DCC: variants seen among roughly 807,000 people sequenced by gnomAD.
The protein encoded by DCC is netrin receptor DCC.
In DCC, 58 loss-of-function variants were observed where a neutral mutation model predicts 172.5. The ratio of observed to expected loss-of-function variants is 0.34; its 90% CI spans 0.27 to 0.42. DCC has a LOEUF of 0.42. DCC is among the 10% of genes least tolerant of loss of function. The pLI is 1.00. For missense variants in DCC, 1,740 were observed against 1,791.0 expected, an observed-to-expected ratio of 0.97 and a Z score of 0.51; for synonymous variants, 709 against 644.5, an observed-to-expected ratio of 1.10 and a Z score of -1.52.
intron 12 of DCC, among the ~76,000 whole-genome samples, chr18:53,276,671 A>G (rs2056809645): frequency 6.6e-6 from 1 of 152,296 alleles, no homozygotes; most frequent in South Asian, 2.1e-4. Flanking sequence ...GGTCTGAGAT[A>G]TATCTAGAAA....
chr18:52,664,168 G>C (rs2035416833), intron 1 of DCC, among the ~76,000 whole-genome samples: 1 of 152,096 alleles, frequency 6.6e-6, no homozygotes, highest in African/African-American at 2.4e-5. Flanking sequence ...ACTTCTTAAA[G>C]AAAAGAAAGA....
At chr18:53,388,112 G>A (rs1184133309) in intron 16 of DCC, among the ~76,000 whole-genome samples, 3 of 152,190 alleles carry the variant, frequency 2.0e-5, no homozygotes, top group African/African-American at 7.2e-5. Flanking sequence ...TAAAGGAACT[G>A]AGAATTGAAA....
At chr18:53,221,250 T>C (rs1296541400) in intron 12 of DCC, among the ~76,000 whole-genome samples, 1 of 152,134 alleles carries the variant, frequency 6.6e-6, no homozygotes, top group African/African-American at 2.4e-5. Flanking sequence ...TGTACATCTA[T>C]CACCAGCTTC....
chr18:52,731,015 G>A (rs549921951), intron 1 of DCC, among the ~76,000 whole-genome samples: 1 of 152,212 alleles, frequency 6.6e-6, no homozygotes, highest in Non-Finnish European at 1.5e-5. Flanking sequence ...AATTGTTATT[G>A]ATTAGTCTCC....
chr18:52,411,445 G>A (rs569395542), intron 1 of DCC, among the ~76,000 whole-genome samples: 5 of 152,250 alleles, frequency 3.3e-5, no homozygotes, highest in East Asian at 3.9e-4. Flanking sequence ...GGCAACCAGT[G>A]CTCTCTGGAC....
At chr18:52,818,546 A>C (rs532153209) in intron 2 of DCC, among the ~76,000 whole-genome samples, 1 of 152,254 alleles carries the variant, frequency 6.6e-6, no homozygotes, top group African/African-American at 2.4e-5. Context: ...TTTTATGCTT[A>C]CTGAGCTTAT....
chr18:52,938,968 C>G (rs571559391), intron 5 of DCC, among the ~76,000 whole-genome samples: 1 of 152,054 alleles, frequency 6.6e-6, no homozygotes, highest in African/African-American at 2.4e-5. Context: ...CATTTTCATC[C>G]AGTATGATCT....
chr18:52,613,242 TTTTG>T (rs1035857795), intron 1 of DCC, among the ~76,000 whole-genome samples: 2 of 152,010 alleles, frequency 1.3e-5, no homozygotes, highest in African/African-American at 4.8e-5. Context: ...GTTTGTTTGT[TTTTG>T]TTTTTTTCTT....
intron 3 of DCC, among the ~76,000 whole-genome samples, chr18:52,917,137 C>CAAAAAAAAAAAAA (rs146388621): frequency 1.1e-5 from 1 of 94,820 alleles, no homozygotes. Flanking sequence ...AAAAAGAAAA[C>CAAAAAAAAAAAAA]AAAAAAAAAA....
In DCC at chr18:52,537,669, G is replaced by C. The variant is rs547308022; in HGVS notation, c.91+196791G>C. On this transcript the variant is annotated intron_variant, in intron 1 of 28. Coordinates refer to ENST00000442544, the MANE Select transcript of DCC (RefSeq NM_005215.4). ...AGAAAAAAAAGAAAACAATGACGAC[G>C]AATGAAAGGAAATAACACAAAGAGA... Among the ~76,000 whole-genome samples the C allele has an allele frequency of 1.7e-4, 26 of 152,184 alleles. 1 individual carries two copies. The highest frequency in any genetic ancestry group is 1.7e-3 in the South Asian group (8 of 4,820).
At chr18:53,057,380 A>G (rs576484985) in intron 5 of DCC, among the ~76,000 whole-genome samples, 1 of 152,120 alleles carries the variant, frequency 6.6e-6, no homozygotes, top group Non-Finnish European at 1.5e-5. Context: ...TATGTATTAT[A>G]CCTTTCTAAA....
intron 7 of DCC, among the ~76,000 whole-genome samples, chr18:53,146,857 T>C (rs1337771462): frequency 1.3e-5 from 2 of 152,234 alleles, no homozygotes; most frequent in African/African-American, 4.8e-5. Flanking sequence ...TGCTGTGTTA[T>C]AGTTTGAATT....
Position 52,691,191 on chromosome 18 carries a change from T to C in DCC, c.92-60863T>C, listed in dbSNP as rs141521646. On this transcript the variant is annotated intron_variant, in intron 1 of 28. Coordinates refer to ENST00000442544, the MANE Select transcript of DCC (RefSeq NM_005215.4). ...GACTCATACCTGAGAGTTGGCTAGA[T>C]ACATTTAAGAGGTGTTTCTTGGCTT... Among the ~76,000 whole-genome samples, 26 of 152,220 alleles carry C rather than the reference T, an allele frequency of 1.7e-4. No individual in the cohort carries two copies. In the East Asian group the frequency reaches 4.6e-3, roughly 27 times the overall value.
chr18:53,311,099 TATTTC>T (rs1204962649), intron 13 of DCC, among the ~76,000 whole-genome samples: 1 of 147,460 alleles, frequency 6.8e-6, no homozygotes, highest in East Asian at 2.0e-4. Flanking sequence ...GGTTTTATTT[TATTTC>T]ATTTATTTAT....
chr18:52,449,993 A>G (rs754586287), intron 1 of DCC, among the ~76,000 whole-genome samples: 19 of 152,218 alleles, frequency 1.2e-4, no homozygotes, highest in Non-Finnish European at 2.2e-4. Context: ...ATGAGAACAG[A>G]CTAATACATA....
intron 7 of DCC, among the ~76,000 whole-genome samples, chr18:53,082,084 A>T (rs2042815584): frequency 6.6e-6 from 1 of 152,122 alleles, no homozygotes; most frequent in Non-Finnish European, 1.5e-5. Context: ...CCCATGCAGC[A>T]GTAATGGAAA....
chr18:52,438,813 T>C (rs1486294560), intron 1 of DCC, among the ~76,000 whole-genome samples: 2 of 152,152 alleles, frequency 1.3e-5, no homozygotes, highest in East Asian at 1.9e-4. Context: ...CTAAAATTCC[T>C]TGAGTTGTGT....
chr18:52,972,563 A>G (rs2041047127), intron 5 of DCC, among the ~76,000 whole-genome samples: 1 of 150,630 alleles, frequency 6.6e-6, no homozygotes, highest in African/African-American at 2.4e-5. Context: ...CTCCATGTAC[A>G]TATCAAGATG....
chr18:52,869,815 C>T (rs2039288847), intron 2 of DCC, among the ~76,000 whole-genome samples: 1 of 152,156 alleles, frequency 6.6e-6, no homozygotes, highest in Non-Finnish European at 1.5e-5. Flanking sequence ...TCCAATATTG[C>T]AGTGGGTGCC....
Sources: gnomAD v4.1 joint callset for allele counts (sites outside exome capture counted in the v4.1 genomes callset) on GRCh38, gnomAD v4.1.1 for gene constraint, MANE v1.5 for transcripts, NCBI Gene and HGNC (gene_info 2026-07-23, HGNC 2026-07-21) for gene names.